The following ATXN7 variants were observed in gnomAD, a reference collection of about 807,000 sequenced individuals.
ATXN7 encodes ataxin 7.
A neutral mutation model predicts 70.5 loss-of-function variants in ATXN7; 12 were observed. The ratio of observed to expected loss-of-function variants is 0.17; its 90% CI spans 0.11 to 0.28. The LOEUF is 0.28. Ranked by LOEUF, ATXN7 falls within the 10% of genes least tolerant of loss-of-function variation. The pLI, the probability that ATXN7 is intolerant of heterozygous loss-of-function variation, is 1.00. For missense variants in ATXN7, 1,256 were observed against 1,131.7 expected (o/e 1.11, Z -1.58); for synonymous variants, 498 against 448.7 (o/e 1.11, Z -1.39).
intron 5 of ATXN7, among the ~76,000 whole-genome samples, chr3:63,967,447 C>T (rs1575964071): frequency 6.6e-6 from 1 of 151,968 alleles, no homozygotes; most frequent in South Asian, 2.1e-4. Flanking sequence ...TGGAAAAATG[C>T]TGCAGGTATT....
At chr3:63,904,772 A>C (rs1302555617) in intron 2 of ATXN7, 2 of 152,194 alleles carry the variant, frequency 1.3e-5, no homozygotes, top group Non-Finnish European at 2.9e-5. Context: ...GCTGGATCAT[A>C]TGCTAATTCT....
chr3:64,000,452 T>C lies in ATXN7; in HGVS notation c.*985T>C, dbSNP rs995327302. 2.6e-5 allele frequency: 4 copies of C among 152,770 alleles called. No homozygotes were observed. Among genetic ancestry groups the C allele is most frequent in the African/African-American group, 9.6e-5 (4 of 41,584 alleles). 9.5% of individuals were successfully genotyped at this position (152,770 alleles called of 1,614,324 possible). ...TATTTTTAAAAGTCACCTTTTAAAG[T>C]GACATTATTAGATACACTTAAATGT... On this transcript the variant is annotated 3_prime_UTR_variant, in exon 13 of 13. Transcript: ENST00000674280.
chr3:63,956,585 G>A (rs1243384822), intron 5 of ATXN7, among the ~76,000 whole-genome samples: 1 of 152,136 alleles, frequency 6.6e-6, no homozygotes, highest in Non-Finnish European at 1.5e-5. Flanking sequence ...GATGCTCTGA[G>A]TGGGAATTTC....
chr3:63,997,563 C>T (rs562743878), intron 12 of ATXN7: 27 of 1,455,354 alleles, frequency 1.9e-5, no homozygotes, highest in Non-Finnish European at 2.3e-5. Flanking sequence ...GCTGTTTCTT[C>T]CAGCTTCCTT....
chr3:63,872,494 G>A (rs1370407889), intron 1 of ATXN7, among the ~76,000 whole-genome samples: 2 of 152,134 alleles, frequency 1.3e-5, no homozygotes, highest in Non-Finnish European at 1.5e-5. Flanking sequence ...ATTTCCTCAG[G>A]TGGAGGCACT....
At chr3:63,988,430 C>A in intron 9 of ATXN7, 106 bp downstream of exon 9, 3 of 1,407,200 alleles carry the variant, frequency 2.1e-6, no homozygotes, top group East Asian at 2.4e-5. Flanking sequence ...CTCAGGCTCA[C>A]TGTGGAGATA....
chr3:63,988,071 A>G lies in ATXN7; in HGVS notation c.1108A>G (p.Thr370Ala). The G allele has an allele frequency of 6.2e-7, 1 of 1,613,992 alleles. No homozygotes were observed. The highest frequency in any genetic ancestry group is 8.5e-7 in the Non-Finnish European group (1 of 1,179,994). The stretch of plus-strand genomic sequence containing the variant: ...TTTTGGTCCACAGACACATTCCTTA[A>G]CCCAGCGCAGGGCTGTCCAGGGTAG... ...RSLTCKTHSL[T>A]QRRAVQGRRK... The change falls in exon 9 of 13, where the codon ACC becomes GCC. Residue 370 changes from threonine to alanine, a missense_variant. Thr to Ala is a moderately conservative substitution (Grantham distance 58, BLOSUM62 0). Transcript: ENST00000674280.
chr3:63,935,749 T>C (rs2074650601), intron 4 of ATXN7, among the ~76,000 whole-genome samples: 1 of 152,150 alleles, frequency 6.6e-6, no homozygotes, highest in Non-Finnish European at 1.5e-5. Flanking sequence ...ATGATATTAG[T>C]ACCAACGTTT....
intron 4 of ATXN7, among the ~76,000 whole-genome samples, chr3:63,948,794 G>C (rs2074907874): frequency 6.6e-6 from 1 of 152,058 alleles, no homozygotes; most frequent in South Asian, 2.1e-4. Flanking sequence ...GCCTAGATGT[G>C]GGTGCTGGCC....
chr3:63,907,271 C>G (rs918448459), intron 2 of ATXN7, among the ~76,000 whole-genome samples: 1 of 152,120 alleles, frequency 6.6e-6, no homozygotes, highest in Non-Finnish European at 1.5e-5. Context: ...AGAACCCACG[C>G]TCTTAATGGC....
chr3:63,992,139 C>T (rs1159275760), intron 11 of ATXN7, among the ~76,000 whole-genome samples: 1 of 152,206 alleles, frequency 6.6e-6, no homozygotes, highest in Non-Finnish European at 1.5e-5. Context: ...GACTCCCTGC[C>T]TTGGTTTCCT....
intron 4 of ATXN7, among the ~76,000 whole-genome samples, chr3:63,944,176 G>A (rs146166454): frequency 6.6e-6 from 1 of 152,130 alleles, no homozygotes; most frequent in African/African-American, 2.4e-5. Context: ...ATCTGCGGGG[G>A]ATACTTTCCA....
intron 5 of ATXN7, among the ~76,000 whole-genome samples, chr3:63,962,288 G>A (rs1331773755): frequency 6.6e-6 from 1 of 151,994 alleles, no homozygotes; most frequent in Non-Finnish European, 1.5e-5. Context: ...AATAGCCCCT[G>A]ATCACACAAT....
chr3:63,962,530 G>A (rs1251127471), intron 5 of ATXN7, among the ~76,000 whole-genome samples: 1 of 151,702 alleles, frequency 6.6e-6, no homozygotes. Context: ...TCAGCCTCCC[G>A]AGTAACTGGG....
At chr3:63,937,979 G>A (rs2074694249) in intron 4 of ATXN7, among the ~76,000 whole-genome samples, 1 of 152,210 alleles carries the variant, frequency 6.6e-6, no homozygotes. Flanking sequence ...GTTTGACATG[G>A]TAGCTGTTGT....
At chr3:63,979,282 G>C (rs2106750403) in intron 5 of ATXN7, among the ~76,000 whole-genome samples, 1 of 152,274 alleles carries the variant, frequency 6.6e-6, no homozygotes, top group Non-Finnish European at 1.5e-5. Flanking sequence ...GTGTGAACCG[G>C]AGCTATGCCA....
At chr3:63,902,120 GGTTAAAGGCCA>G (rs1641389581) in intron 2 of ATXN7, 1 of 152,142 alleles carries the variant, frequency 6.6e-6, no homozygotes, top group Non-Finnish European at 1.5e-5. Flanking sequence ...CACTTAAAAT[GGTTAAAGGCCA>G]GTTGCAGTGG....
intron 2 of ATXN7, chr3:63,904,460 T>C (rs1214747352): frequency 6.6e-6 from 1 of 152,034 alleles, no homozygotes; most frequent in African/African-American, 2.4e-5. Flanking sequence ...GCCCAGCTAA[T>C]TTTTTTGTGT....
In ATXN7 at chr3:63,978,123, G is replaced by A. The variant is rs117501169; in HGVS notation, c.500-1792G>A. Among the ~76,000 whole-genome samples, 132 of 152,320 alleles carry A rather than the reference G, an allele frequency of 8.7e-4. 3 individuals carry two copies. In the East Asian group the frequency reaches 0.022, roughly 26 times the overall value. ...GTAGTGTCTCAACCGTGGCTGCACA[G>A]TAGAATCAGACAGGGAAACTTGTCA... On this transcript the variant is annotated intron_variant, in intron 5 of 12. Coordinates refer to ENST00000674280, the MANE Select transcript of ATXN7 (RefSeq NM_001377405.1).
Sources: allele counts gnomAD v4.1 joint callset (sites outside exome capture counted in the v4.1 genomes callset), GRCh38; gene constraint gnomAD v4.1.1; transcripts MANE v1.5; gene names NCBI Gene and HGNC (gene_info 2026-07-23, HGNC 2026-07-21).